FAM114A1: variants seen among roughly 807,000 people sequenced by gnomAD.
The protein encoded by FAM114A1 is protein NOXP20.
In FAM114A1, 62 loss-of-function variants were observed where a neutral mutation model predicts 64.3. That is an observed-to-expected ratio of 0.96 (90% CI 0.79 to 1.19). The LOEUF is 1.19. Ranked by LOEUF, FAM114A1 falls within the 50% of genes most tolerant of loss-of-function variation. FAM114A1 has a pLI of 0.00. For missense variants in FAM114A1, 645 were observed against 676.3 expected, an observed-to-expected ratio of 0.95 and a Z score of 0.51; for synonymous variants, 254 against 251.1, an observed-to-expected ratio of 1.01 and a Z score of -0.11.
intron 8 of FAM114A1, among the ~76,000 whole-genome samples, chr4:38,918,477 C>T (rs760374338): frequency 7.9e-5 from 12 of 152,238 alleles, no homozygotes; most frequent in South Asian, 2.1e-4. Context: ...AATAAAAATA[C>T]GGGATGACTA....
chr4:38,881,142 G>A (rs554628423), intron 3 of FAM114A1, among the ~76,000 whole-genome samples: 121 of 151,842 alleles, frequency 8.0e-4, no homozygotes, highest in African/African-American at 2.8e-3. Context: ...CTGAGATTGA[G>A]GCAGTGAGCT....
intron 12 of FAM114A1, among the ~76,000 whole-genome samples, chr4:38,935,447 C>T (rs1282221938): frequency 6.6e-6 from 1 of 152,104 alleles, no homozygotes; most frequent in Non-Finnish European, 1.5e-5. Context: ...TTTTCCTGCA[C>T]ATGATTTTGA....
intron 2 of FAM114A1, among the ~76,000 whole-genome samples, chr4:38,871,965 G>C (rs1030123810): frequency 6.6e-6 from 1 of 152,198 alleles, no homozygotes; most frequent in Non-Finnish European, 1.5e-5. Flanking sequence ...CTACTCCAAA[G>C]GGTAAGTCAG....
chr4:38,892,798 C>A (rs889885473), intron 4 of FAM114A1, among the ~76,000 whole-genome samples: 1 of 152,222 alleles, frequency 6.6e-6, no homozygotes, highest in African/African-American at 2.4e-5. Context: ...CTCCTAAAAC[C>A]AGGAAGGTCT....
chr4:38,916,249 C>G (rs945627060), intron 8 of FAM114A1, among the ~76,000 whole-genome samples: 22 of 152,158 alleles, frequency 1.4e-4, no homozygotes, highest in Non-Finnish European at 3.2e-4. Flanking sequence ...TATCCATGAG[C>G]CTTCAGGGAA....
chr4:38,874,939 C>A (rs754297589), intron 2 of FAM114A1, among the ~76,000 whole-genome samples: 1 of 152,090 alleles, frequency 6.6e-6, no homozygotes, highest in African/African-American at 2.4e-5. Context: ...GAGTCCGTTC[C>A]CCATTGTTTG....
Position 38,943,589 on chromosome 4 carries a change from A to T in FAM114A1, c.*32A>T. 6.3e-7 allele frequency: 1 copy of T among 1,594,098 alleles called. No homozygotes were observed. The highest frequency in any genetic ancestry group is 8.6e-7 in the Non-Finnish European group (1 of 1,162,556). On this transcript the variant is annotated 3_prime_UTR_variant, in exon 15 of 15. Coordinates refer to ENST00000358869, the MANE Select transcript of FAM114A1 (RefSeq NM_138389.4). ...CAGACTCCATCTAGTTAAAGGAGACAGCTGGCCGCCTTGCCTCAATATGTA... is the reference window on the plus strand; with the variant it reads ...CAGACTCCATCTAGTTAAAGGAGACTGCTGGCCGCCTTGCCTCAATATGTA...
At chr4:38,896,818 G>T (rs570626095) in intron 4 of FAM114A1, among the ~76,000 whole-genome samples, 208 of 152,346 alleles carry the variant, frequency 1.4e-3, no homozygotes, top group Middle Eastern at 3.4e-3. Context: ...GACAAGCTTT[G>T]AAGATTTATA....
At chr4:38,878,461 G>GTTCT in intron 3 of FAM114A1, 35 bp downstream of exon 3, 1 of 1,534,908 alleles carries the variant, frequency 6.5e-7, no homozygotes, top group South Asian at 1.3e-5. Context: ...TTCGGCCTAA[G>GTTCT]TTCTTGCTTA....
At chr4:38,912,589 G>A (rs1423324421) in intron 7 of FAM114A1, among the ~76,000 whole-genome samples, 3 of 152,032 alleles carry the variant, frequency 2.0e-5, no homozygotes, top group Non-Finnish European at 2.9e-5. Flanking sequence ...TCATCATATT[G>A]GCCAGGCTGG....
intron 12 of FAM114A1, among the ~76,000 whole-genome samples, chr4:38,934,573 A>G (rs2109796049): frequency 6.6e-6 from 1 of 152,356 alleles, no homozygotes; most frequent in Admixed American, 6.5e-5. Context: ...ATCACTATTC[A>G]TGAGTGCTGT....
intron 2 of FAM114A1, among the ~76,000 whole-genome samples, chr4:38,871,036 A>G (rs1714014844): frequency 1.3e-5 from 2 of 151,672 alleles, no homozygotes; most frequent in South Asian, 2.1e-4. Context: ...GATACACACA[A>G]TTAGAAATTG....
intron 4 of FAM114A1, among the ~76,000 whole-genome samples, chr4:38,902,661 A>G (rs1055948851): frequency 8.5e-5 from 13 of 152,182 alleles, no homozygotes; most frequent in Non-Finnish European, 8.8e-5. Flanking sequence ...CAAAGAGTAG[A>G]GGATATTCCA....
At chr4:38,895,279 C>G (rs1030400161) in intron 4 of FAM114A1, among the ~76,000 whole-genome samples, 2 of 152,218 alleles carry the variant, frequency 1.3e-5, no homozygotes, top group African/African-American at 4.8e-5. Context: ...CCCTGTTTTC[C>G]TGCTGATTAT....
At chr4:38,892,263 G>A (rs577768959) in intron 4 of FAM114A1, among the ~76,000 whole-genome samples, 28 of 152,294 alleles carry the variant, frequency 1.8e-4, no homozygotes, top group African/African-American at 6.7e-4. Flanking sequence ...TTGATAAAAG[G>A]CATTTCATTA....
rs1272689222 is a variant in FAM114A1 at position 38,943,735 on chromosome 4, T to C, written c.*178T>C. The C allele has an allele frequency of 4.3e-6, 2 of 469,410 alleles. No individual in the cohort carries two copies. The highest frequency in any genetic ancestry group is 7.7e-6 in the Non-Finnish European group (2 of 258,546). The allele number at this position is 469,410 out of a possible 1,614,324, so 29.1% of individuals were successfully genotyped here. A position where few individuals can be genotyped will look rare whatever the true frequency, so the allele number is the denominator to read the frequency against. Reference sequence around the variant, plus strand: ...TAGAGAGAGTTATCATTTCTCTCAATGTGTATAATTGTTTTTACAAACAAT... The same window carrying C: ...TAGAGAGAGTTATCATTTCTCTCAACGTGTATAATTGTTTTTACAAACAAT... On this transcript the variant is annotated 3_prime_UTR_variant, in exon 15 of 15. Transcript: ENST00000358869.
intron 6 of FAM114A1, among the ~76,000 whole-genome samples, chr4:38,906,738 T>C (rs1718047251): frequency 6.6e-6 from 1 of 152,180 alleles, no homozygotes; most frequent in Non-Finnish European, 1.5e-5. Flanking sequence ...TTTCACCACG[T>C]TGGCCAGGCT....
chr4:38,931,449 A>G lies in FAM114A1; in HGVS notation c.1162-2A>G. ...GGATTGTTTGGTTGGGGACCTCTGC[A>G]GGCCATGAAGAGGGCTCATGACTGG... On this transcript the variant is annotated splice_acceptor_variant, in intron 10 of 14. Transcript: ENST00000358869. LOFTEE classifies it high-confidence loss of function. 6.2e-7 allele frequency: 1 copy of G among 1,604,668 alleles called. No homozygotes were observed. The highest frequency in any genetic ancestry group is 1.1e-5 in the South Asian group (1 of 89,004).
At chr4:38,912,892 T>C (rs1268738530) in intron 7 of FAM114A1, among the ~76,000 whole-genome samples, 1 of 152,236 alleles carries the variant, frequency 6.6e-6, no homozygotes. Flanking sequence ...TTATTGCCAG[T>C]GTTAAAATTT....
Sources: allele counts gnomAD v4.1 joint callset (sites outside exome capture counted in the v4.1 genomes callset), GRCh38; gene constraint gnomAD v4.1.1; transcripts MANE v1.5; gene names NCBI Gene and HGNC (gene_info 2026-07-23, HGNC 2026-07-21).